The following CCDC178 variants were observed in gnomAD, a reference collection of about 807,000 sequenced individuals.
CCDC178 encodes the protein coiled-coil domain containing 178, also known as coiled-coil domain-containing protein 178.
Under a neutral mutation model 117.4 loss-of-function variants are expected in CCDC178, and 126 were observed. The observed-to-expected ratio is 1.07, with a 90% CI of 0.93 to 1.24. The LOEUF is 1.24. Ranked by LOEUF, CCDC178 falls within the 50% of genes most tolerant of loss-of-function variation. The pLI, the probability that CCDC178 is intolerant of heterozygous loss-of-function variation, is 0.00. For missense variants in CCDC178, 1,030 were observed against 986.9 expected, an observed-to-expected ratio of 1.04 and a Z score of -0.59; for synonymous variants, 283 against 313.4, an observed-to-expected ratio of 0.90 and a Z score of 1.02.
chr18:33,156,357 G>A (rs2058396878), intron 20 of CCDC178, among the ~76,000 whole-genome samples: 1 of 151,180 alleles, frequency 6.6e-6, no homozygotes, highest in Non-Finnish European at 1.5e-5. Context: ...CAAAGTGCTG[G>A]GATTACAGGT....
chr18:33,417,847 A>AT (rs779819927), intron 2 of CCDC178, among the ~76,000 whole-genome samples: 428 of 152,272 alleles, frequency 2.8e-3, no homozygotes, highest in Admixed American at 8.1e-3. Context: ...TTAATCAGTA[A>AT]TAAAAAGCCT....
intron 5 of CCDC178, among the ~76,000 whole-genome samples, chr18:33,381,815 T>C (rs1020064340): frequency 7.2e-5 from 11 of 152,096 alleles, no homozygotes; most frequent in Admixed American, 2.0e-4. Context: ...TTATGTTGTA[T>C]TGTAAAAATT....
intron 20 of CCDC178, among the ~76,000 whole-genome samples, chr18:33,110,975 T>C (rs990333627): frequency 6.6e-6 from 1 of 151,556 alleles, no homozygotes; most frequent in Non-Finnish European, 1.5e-5. Flanking sequence ...ATAAACCAAC[T>C]TGGGGAGAGA....
intron 20 of CCDC178, among the ~76,000 whole-genome samples, chr18:33,150,882 C>A (rs1244847962): frequency 6.6e-6 from 1 of 152,120 alleles, no homozygotes; most frequent in Non-Finnish European, 1.5e-5. Context: ...AAGCTAAGTG[C>A]CTATCAACCA....
intron 21 of CCDC178, among the ~76,000 whole-genome samples, chr18:33,001,231 A>T (rs920557273): frequency 2.0e-5 from 3 of 152,172 alleles, no homozygotes; most frequent in Non-Finnish European, 4.4e-5. Flanking sequence ...TAGAAATAAA[A>T]AGCAGAGGCC....
chr18:33,379,150 A>T (rs4408613), intron 5 of CCDC178, among the ~76,000 whole-genome samples: 5 of 114,608 alleles, frequency 4.4e-5, no homozygotes, highest in Admixed American at 3.6e-4. Context: ...ATATATATAT[A>T]ATATATATAT....
In CCDC178 at chr18:33,106,984, T is replaced by C. The variant is rs148850347; in HGVS notation, c.2239-14074A>G. 1.4e-3 allele frequency among the ~76,000 whole-genome samples: 217 copies of C among 151,752 alleles called. 1 individual carries two copies. Among genetic ancestry groups the C allele is most frequent in the African/African-American group, 4.5e-3 (186 of 41,468 alleles). ...AGCAGAGACGAACAATTGCAAGAAA[T>C]TGAATTCTGTGAACAATCTGAGCAA... On this transcript the variant is annotated intron_variant, in intron 20 of 22. Transcript: ENST00000383096.
intron 11 of CCDC178, among the ~76,000 whole-genome samples, chr18:33,308,123 T>C (rs2062283154): frequency 6.6e-6 from 1 of 152,156 alleles, no homozygotes; most frequent in Admixed American, 6.5e-5. Flanking sequence ...GCTTGCACTG[T>C]GTGCCTGAAA....
intron 21 of CCDC178, among the ~76,000 whole-genome samples, chr18:33,043,249 A>G (rs1730818262): frequency 1.3e-5 from 2 of 152,090 alleles, no homozygotes; most frequent in South Asian, 2.1e-4. Context: ...TAAAAAAACT[A>G]TCTAAAAAGG....
At chr18:33,072,359 A>T (rs1034264441) in intron 21 of CCDC178, among the ~76,000 whole-genome samples, 1 of 152,170 alleles carries the variant, frequency 6.6e-6, no homozygotes, top group Non-Finnish European at 1.5e-5. Context: ...CATAAGAAAA[A>T]CTTGACAAAA....
intron 6 of CCDC178, among the ~76,000 whole-genome samples, chr18:33,359,714 A>G (rs956802280): frequency 6.6e-6 from 1 of 151,662 alleles, no homozygotes; most frequent in Non-Finnish European, 1.5e-5. Context: ...ACTAACTACA[A>G]GACTCCATAC....
intron 21 of CCDC178, among the ~76,000 whole-genome samples, chr18:33,009,306 A>G (rs530143959): frequency 6.6e-6 from 1 of 152,202 alleles, no homozygotes; most frequent in Admixed American, 6.5e-5. Flanking sequence ...GTCACTTCTC[A>G]TGTCAAAGCT....
chr18:33,179,847 A>C (rs2144473059), intron 20 of CCDC178, among the ~76,000 whole-genome samples: 1 of 152,144 alleles, frequency 6.6e-6, no homozygotes, highest in East Asian at 1.9e-4. Flanking sequence ...ATTAGTTTTA[A>C]CACCGCTAGT....
At chr18:32,939,954 A>G (rs2054201001) in intron 22 of CCDC178, among the ~76,000 whole-genome samples, 1 of 152,314 alleles carries the variant, frequency 6.6e-6, no homozygotes. Context: ...TTGCTTTAAT[A>G]AAGCTAATTA....
At position 33,191,465 on chromosome 18, in the gene CCDC178, C is replaced by A. The variant is rs2058857108; in HGVS notation, c.2238+20431G>T. On this transcript the variant is annotated intron_variant, in intron 20 of 22. Transcript: ENST00000383096. Reference sequence around the variant, plus strand: ...CAAGGATTATAAGAATAATTTGCTGCCTATTTTCTATACTAAGAGAATTAG... The same window carrying A: ...CAAGGATTATAAGAATAATTTGCTGACTATTTTCTATACTAAGAGAATTAG... 3.3e-5 allele frequency among the ~76,000 whole-genome samples: 5 copies of A among 152,032 alleles called. No individual in the cohort carries two copies. The South Asian group carries it at 1.0e-3, about 32-fold the overall frequency.
chr18:33,257,332 T>C (rs1188079013), intron 14 of CCDC178, among the ~76,000 whole-genome samples: 2 of 152,136 alleles, frequency 1.3e-5, no homozygotes, highest in African/African-American at 4.8e-5. Flanking sequence ...CTTTCTTCCT[T>C]CGGCCTTTGC....
intron 20 of CCDC178, among the ~76,000 whole-genome samples, chr18:33,104,417 C>T (rs535531513): frequency 1.3e-5 from 2 of 151,802 alleles, no homozygotes; most frequent in South Asian, 4.1e-4. Flanking sequence ...TTTATCTCAT[C>T]TATGTTTTTC....
intron 16 of CCDC178, among the ~76,000 whole-genome samples, chr18:33,226,077 C>G (rs1049609466): frequency 6.6e-6 from 1 of 152,216 alleles, no homozygotes; most frequent in Non-Finnish European, 1.5e-5. Context: ...AGGAGAATCA[C>G]TTGAACCTGG....
chr18:33,080,679 A>G (rs2057283138), intron 21 of CCDC178, among the ~76,000 whole-genome samples: 1 of 152,166 alleles, frequency 6.6e-6, no homozygotes, highest in Non-Finnish European at 1.5e-5. Context: ...AAACTAATAC[A>G]GTAGTTTTGT....
Sources: allele counts gnomAD v4.1 joint callset (sites outside exome capture counted in the v4.1 genomes callset), GRCh38; gene constraint gnomAD v4.1.1; transcripts MANE v1.5; gene names NCBI Gene and HGNC (gene_info 2026-07-23, HGNC 2026-07-21).